Variants in KLHL32 observed in about 807,000 individuals in gnomAD.
KLHL32 encodes kelch like family member 32.
KLHL32 carries 35 observed loss-of-function variants against 64.8 expected under a neutral mutation model. The observed-to-expected ratio is 0.54, with a 90% CI of 0.41 to 0.72. The LOEUF (loss-of-function observed/expected upper bound fraction) is 0.72. Among genes scored for constraint, KLHL32 ranks in the 30% least tolerant of loss-of-function variants. KLHL32 has a pLI of 0.00. For missense variants in KLHL32, 589 were observed against 768.5 expected, an observed-to-expected ratio of 0.77 and a Z score of 2.76; for synonymous variants, 259 against 281.0, an observed-to-expected ratio of 0.92 and a Z score of 0.78.
At chr6:97,047,030 A>C (rs1786038571) in intron 4 of KLHL32, among the ~76,000 whole-genome samples, 2 of 152,202 alleles carry the variant, frequency 1.3e-5, no homozygotes, top group African/African-American at 2.4e-5. Context: ...AGAAATTGGA[A>C]GTATAGAGTG....
chr6:96,900,146 G>C, the KLHL32 span, among the ~76,000 whole-genome samples: 1 of 152,196 alleles, frequency 6.6e-6, no homozygotes, highest in Non-Finnish European at 1.5e-5. Context: ...GCTTCCAGAA[G>C]TGAGTCCTTA....
At chr6:97,111,433 A>G (rs979418217) in intron 6 of KLHL32, among the ~76,000 whole-genome samples, 1 of 152,214 alleles carries the variant, frequency 6.6e-6, no homozygotes, top group South Asian at 2.1e-4. Flanking sequence ...CAGCCGCTTC[A>G]GTGCCAGCAG....
chr6:96,967,155 C>G, intron 2 of KLHL32, 72 bp downstream of exon 2: 1 of 1,398,678 alleles, frequency 7.1e-7, no homozygotes, highest in Non-Finnish European at 1.0e-6. Context: ...GTTCTAGGAT[C>G]AAGCACAAAG....
chr6:97,106,795 A>G (rs899413389), intron 6 of KLHL32, among the ~76,000 whole-genome samples: 7 of 152,096 alleles, frequency 4.6e-5, no homozygotes, highest in Non-Finnish European at 4.4e-5. Context: ...AAGGGAAGCA[A>G]TAATTCAACA....
chr6:97,084,257 G>A (rs1327899357), intron 5 of KLHL32, among the ~76,000 whole-genome samples: 1 of 152,126 alleles, frequency 6.6e-6, no homozygotes, highest in Non-Finnish European at 1.5e-5. Flanking sequence ...GTAGGAAATA[G>A]CCCACTCTCA....
chr6:96,974,156 C>T (rs999287527), intron 2 of KLHL32, among the ~76,000 whole-genome samples: 6 of 152,108 alleles, frequency 3.9e-5, no homozygotes, highest in Admixed American at 2.0e-4. Flanking sequence ...GTACCTGCCT[C>T]ATGGTGTTGT....
chr6:97,110,288 T>C (rs1231228624), intron 6 of KLHL32, among the ~76,000 whole-genome samples: 1 of 152,200 alleles, frequency 6.6e-6, no homozygotes, highest in African/African-American at 2.4e-5. Context: ...GCATCTAGAG[T>C]GTATCGCTTG....
rs1341344867 is a variant in KLHL32, at chr6:96,977,760, A to G, written c.204+1583A>G. On this transcript the variant is annotated intron_variant, in intron 3 of 10. Coordinates refer to ENST00000369261, the MANE Select transcript of KLHL32 (RefSeq NM_052904.4). ...ATTTTTCAAAGATGCCAAAGCATAGAAGACAGCCTTTTTTAAAAAGCGTAT... is the reference window on the plus strand; with the variant it reads ...ATTTTTCAAAGATGCCAAAGCATAGGAGACAGCCTTTTTTAAAAAGCGTAT... 1.2e-4 allele frequency among the ~76,000 whole-genome samples: 18 copies of G among 152,234 alleles called. 1 individual carries two copies. Among genetic ancestry groups the G allele is most frequent in the Admixed American group, 1.2e-3 (18 of 15,284 alleles).
chr6:96,906,731 G>C, the KLHL32 span, among the ~76,000 whole-genome samples: 1 of 152,182 alleles, frequency 6.6e-6, no homozygotes, highest in Non-Finnish European at 1.5e-5. Context: ...AGTGGGATTT[G>C]AGATTCAGAG....
rs570115426 is a variant in KLHL32 at position 97,089,036 on chromosome 6, T to C, written c.627+3695T>C. 2.6e-5 allele frequency among the ~76,000 whole-genome samples: 4 copies of C among 152,354 alleles called. No individual in the cohort carries two copies. In the South Asian group the frequency reaches 8.3e-4, roughly 32 times the overall value. ...TACACACTAGCATAGGGAGAAAGTA[T>C]GGCTCTCCACCCATCAGTATGTACT... On this transcript the variant is annotated intron_variant, in intron 6 of 10. Transcript: ENST00000369261.
chr6:96,977,329 T>C (rs1014292263), intron 3 of KLHL32, among the ~76,000 whole-genome samples: 1 of 152,228 alleles, frequency 6.6e-6, no homozygotes, highest in Non-Finnish European at 1.5e-5. Context: ...AGATCTGGAA[T>C]CGAAATCTAT....
Position 97,112,603 on chromosome 6 carries a change from C to T in KLHL32, c.628-1180C>T, listed in dbSNP as rs371908220. On this transcript the variant is annotated intron_variant, in intron 6 of 10. Coordinates refer to ENST00000369261, the MANE Select transcript of KLHL32 (RefSeq NM_052904.4). ...CTGGGACTACAGGCACGTGCCACCA[C>T]GCCCAGCTAATTTTTGTAGTCTTAG... Among the ~76,000 whole-genome samples, 155 of 151,980 alleles carry T rather than the reference C, an allele frequency of 1.0e-3. 1 individual carries two copies. The highest frequency in any genetic ancestry group is 3.4e-3 in the African/African-American group (142 of 41,504).
chr6:97,137,628 G>A (rs2054505813), intron 10 of KLHL32, among the ~76,000 whole-genome samples: 1 of 152,042 alleles, frequency 6.6e-6, no homozygotes, highest in African/African-American at 2.4e-5. Context: ...TCTGCCTCCT[G>A]GGTTCAAGCC....
chr6:97,086,101 C>T (rs1793372736), intron 6 of KLHL32, among the ~76,000 whole-genome samples: 1 of 152,214 alleles, frequency 6.6e-6, no homozygotes, highest in Non-Finnish European at 1.5e-5. Context: ...CTCTGAAGCA[C>T]TGGCTAGCCA....
At chr6:97,006,976 G>T (rs1198978584) in intron 3 of KLHL32, among the ~76,000 whole-genome samples, 2 of 152,044 alleles carry the variant, frequency 1.3e-5, no homozygotes, top group African/African-American at 4.8e-5. Context: ...CTTGGGGATG[G>T]TCATCTCATA....
intron 10 of KLHL32, among the ~76,000 whole-genome samples, chr6:97,137,665 G>A (rs1330757269): frequency 2.6e-5 from 4 of 152,088 alleles, no homozygotes; most frequent in African/African-American, 9.7e-5. Context: ...CTCCCGAGTA[G>A]CTGGGACTAC....
chr6:97,007,147 C>T (rs562089938), intron 3 of KLHL32, among the ~76,000 whole-genome samples: 3 of 152,062 alleles, frequency 2.0e-5, no homozygotes, highest in African/African-American at 7.2e-5. Flanking sequence ...TAGATTTGGT[C>T]TCTTTACATT....
chr6:97,023,248 A>G (rs1049532908), intron 3 of KLHL32, among the ~76,000 whole-genome samples: 1 of 152,224 alleles, frequency 6.6e-6, no homozygotes, highest in African/African-American at 2.4e-5. Flanking sequence ...GTTTTTTAAA[A>G]CATTTGAAGG....
intron 3 of KLHL32, among the ~76,000 whole-genome samples, chr6:97,022,529 G>A (rs1782146596): frequency 6.7e-6 from 1 of 148,606 alleles, no homozygotes; most frequent in African/African-American, 2.6e-5. Flanking sequence ...GAGTGCAGTG[G>A]TGCGATCTCA....
Sources: allele counts gnomAD v4.1 joint callset (sites outside exome capture counted in the v4.1 genomes callset), GRCh38; gene constraint gnomAD v4.1.1; transcripts MANE v1.5; gene names NCBI Gene and HGNC (gene_info 2026-07-23, HGNC 2026-07-21).